The following ATP10B variants were observed in gnomAD, a reference collection of about 807,000 sequenced individuals.
ATP10B encodes phospholipid-transporting ATPase VB.
ATP10B carries 122 observed loss-of-function variants against 141.2 expected under a neutral mutation model. The ratio of observed to expected loss-of-function variants is 0.86; its 90% CI spans 0.75 to 1.00. The LOEUF (loss-of-function observed/expected upper bound fraction) is 1.00, where lower values mean the gene tolerates loss of function less well. Ranked by LOEUF, ATP10B falls within the 50% of genes least tolerant of loss-of-function variation. The probability of loss-of-function intolerance (pLI) is 0.00; values close to 1 mark genes in which losing one functional copy is unlikely to be tolerated. For synonymous variants in ATP10B, 685 were observed against 692.0 expected, an observed-to-expected ratio of 0.99 and a Z score of 0.16; for missense variants, 1,876 against 1,825.3, an observed-to-expected ratio of 1.03 and a Z score of -0.51.
chr5:160,592,710 C>T (rs1756400174), intron 22 of ATP10B, among the ~76,000 whole-genome samples: 1 of 152,222 alleles, frequency 6.6e-6, no homozygotes, highest in Non-Finnish European at 1.5e-5. Flanking sequence ...CACTCCCACC[C>T]TAATACTGTG....
At chr5:160,705,597 G>C (rs1223183419) in intron 3 of ATP10B, among the ~76,000 whole-genome samples, 2 of 152,106 alleles carry the variant, frequency 1.3e-5, no homozygotes, top group African/African-American at 4.8e-5. Context: ...ACCTCTCTCT[G>C]TCTTCATAAA....
chr5:160,700,183 T>C (rs949947347), intron 3 of ATP10B, among the ~76,000 whole-genome samples: 10 of 152,198 alleles, frequency 6.6e-5, no homozygotes, highest in Non-Finnish European at 1.5e-4. Flanking sequence ...GAAGTGGCAC[T>C]GGATGTTCCT....
intron 15 of ATP10B, among the ~76,000 whole-genome samples, chr5:160,620,069 T>A (rs1758238589): frequency 1.3e-5 from 2 of 152,226 alleles, no homozygotes; most frequent in African/African-American, 2.4e-5. Context: ...CATGTTTAAA[T>A]GAGTTTGGAA....
At chr5:160,878,587 A>T in the ATP10B span, among the ~76,000 whole-genome samples, 423 of 151,798 alleles carry the variant, frequency 2.8e-3, 2 homozygotes, top group African/African-American at 9.9e-3. Context: ...CTACCGTCAG[A>T]GCGAACAGGC....
At chr5:160,612,444 A>C (rs186483411) in intron 18 of ATP10B, 16 of 226,416 alleles carry the variant, frequency 7.1e-5, no homozygotes, top group Non-Finnish European at 1.2e-4. Context: ...CAGTTTCCTT[A>C]TCTGTGGGGA....
chr5:160,727,407 G>C (rs1303026439), intron 2 of ATP10B, among the ~76,000 whole-genome samples: 2 of 152,196 alleles, frequency 1.3e-5, no homozygotes, highest in Non-Finnish European at 2.9e-5. Flanking sequence ...TATGCTTTGT[G>C]AAAACAAAGG....
the ATP10B span, among the ~76,000 whole-genome samples, chr5:160,862,102 G>A: frequency 1.3e-5 from 2 of 151,940 alleles, no homozygotes; most frequent in Non-Finnish European, 2.9e-5. Context: ...CTCTTTGAAA[G>A]GATTTTGGGA....
chr5:160,805,694 C>G (rs1167711595), intron 1 of ATP10B, among the ~76,000 whole-genome samples: 2 of 152,110 alleles, frequency 1.3e-5, no homozygotes, highest in African/African-American at 2.4e-5. Context: ...GGGCAGTGGC[C>G]CCTAGTGCCC....
At chr5:160,598,068 G>T (rs545128707) in intron 22 of ATP10B, among the ~76,000 whole-genome samples, 1 of 139,392 alleles carries the variant, frequency 7.2e-6, no homozygotes, top group Non-Finnish European at 1.6e-5. Context: ...AAATCATGCT[G>T]CTATAAAGAC....
At chr5:160,668,336 C>T (rs1297071678) in intron 7 of ATP10B, among the ~76,000 whole-genome samples, 4 of 132,410 alleles carry the variant, frequency 3.0e-5, no homozygotes, top group South Asian at 2.8e-4. Flanking sequence ...CATATACACA[C>T]GTGTATGTGT....
chr5:160,925,048 G>A, the ATP10B span, among the ~76,000 whole-genome samples: 10 of 152,294 alleles, frequency 6.6e-5, no homozygotes, highest in African/African-American at 1.9e-4. Flanking sequence ...ACAGGACACC[G>A]ATAATTACCT....
At chr5:160,889,223 C>G in the ATP10B span, among the ~76,000 whole-genome samples, 251 of 152,320 alleles carry the variant, frequency 1.6e-3, no homozygotes, top group African/African-American at 5.9e-3. Flanking sequence ...TCCAACATTC[C>G]TCATTGAATA....
At chr5:160,578,730 G>A (rs1195545687) in intron 24 of ATP10B, among the ~76,000 whole-genome samples, 4 of 152,144 alleles carry the variant, frequency 2.6e-5, no homozygotes, top group Non-Finnish European at 5.9e-5. Context: ...TGGATCAAAT[G>A]GTATTTCTGG....
chr5:160,889,401 A>G, the ATP10B span, among the ~76,000 whole-genome samples: 11 of 152,206 alleles, frequency 7.2e-5, no homozygotes, highest in South Asian at 4.1e-4. Context: ...GACCATGTGT[A>G]GTAATTAAAA....
intron 3 of ATP10B, among the ~76,000 whole-genome samples, 157 bp downstream of exon 3, chr5:160,716,752 C>T (rs927583372): frequency 6.6e-6 from 1 of 152,182 alleles, no homozygotes; most frequent in African/African-American, 2.4e-5. Context: ...GCACCAAGGT[C>T]CTGCGGGACC....
chr5:160,852,917 A>G (rs894901128), upstream of ATP10B, among the ~76,000 whole-genome samples: 10 of 152,112 alleles, frequency 6.6e-5, no homozygotes, highest in African/African-American at 2.4e-4. Flanking sequence ...AAAAAAAAGA[A>G]ATATTACCAA....
the ATP10B span, among the ~76,000 whole-genome samples, chr5:160,896,436 A>G: frequency 6.6e-6 from 1 of 152,224 alleles, no homozygotes; most frequent in Non-Finnish European, 1.5e-5. Flanking sequence ...ATAAACTGGA[A>G]AATCAAGAAG....
rs115518858 is a variant in ATP10B, at chr5:160,657,052, G to A, written c.676-7796C>T. On this transcript the variant is annotated intron_variant, in intron 7 of 25. Coordinates refer to ENST00000327245, the MANE Select transcript of ATP10B (RefSeq NM_025153.3). ...GGATAGCAAAATGGCGGCACTGACC[G>A]TCCTGTGTGGACTGCTCAGCTGACT... Among the ~76,000 whole-genome samples the A allele has an allele frequency of 9.6e-3, 1,461 of 152,290 alleles. 9 individuals carry two copies. The highest frequency in any genetic ancestry group is 0.015 in the Non-Finnish European group (1,054 of 68,020).
At chr5:160,673,103 T>C (rs888606742) in intron 6 of ATP10B, among the ~76,000 whole-genome samples, 6 of 152,194 alleles carry the variant, frequency 3.9e-5, no homozygotes, top group African/African-American at 7.2e-5. Flanking sequence ...GCAGACACGG[T>C]TAAATGTCAT....
Sources: allele counts gnomAD v4.1 joint callset (sites outside exome capture counted in the v4.1 genomes callset), GRCh38; gene constraint gnomAD v4.1.1; transcripts MANE v1.5; gene names NCBI Gene and HGNC (gene_info 2026-07-23, HGNC 2026-07-21).